BTC: variants seen among roughly 807,000 people sequenced by gnomAD.
BTC encodes probetacellulin.
BTC carries 13 observed loss-of-function variants against 18.1 expected under a neutral mutation model. The observed-to-expected ratio is 0.72, with a 90% CI of 0.47 to 1.14. The LOEUF is 1.14. BTC is among the 50% of genes most tolerant of loss of function. BTC has a pLI of 0.00. For missense variants in BTC, 247 were observed against 224.2 expected (o/e 1.10, Z -0.65); for synonymous variants, 83 against 79.4 (o/e 1.05, Z -0.24).
chr4:74,789,959 G>A (rs1480825856), intron 1 of BTC, among the ~76,000 whole-genome samples: 1 of 152,198 alleles, frequency 6.6e-6, no homozygotes, highest in African/African-American at 2.4e-5. Flanking sequence ...AATTGGCAGA[G>A]GAAGAAGAAT....
At chr4:74,781,098 A>T (rs1452755269) in intron 1 of BTC, among the ~76,000 whole-genome samples, 8 of 152,122 alleles carry the variant, frequency 5.3e-5, no homozygotes, top group African/African-American at 1.9e-4. Context: ...AATCACCTTT[A>T]CACAACTCCA....
chr4:74,786,866 A>C (rs1225123822), intron 1 of BTC, among the ~76,000 whole-genome samples: 1 of 152,222 alleles, frequency 6.6e-6, no homozygotes. Context: ...AAGAATCTCT[A>C]GCACTGCCAG....
intron 1 of BTC, among the ~76,000 whole-genome samples, chr4:74,782,836 AT>A (rs373040473): frequency 6.9e-4 from 105 of 152,138 alleles, no homozygotes; most frequent in African/African-American, 2.3e-3. Context: ...TTTGATTCTC[AT>A]TTCTCTAATG....
intron 2 of BTC, among the ~76,000 whole-genome samples, chr4:74,768,998 T>C (rs10009801): frequency 0.27 from 40,922 of 151,998 alleles, 8,126 homozygotes; most frequent in African/African-American, 0.56. Flanking sequence ...GATGAGCACC[T>C]TCTGACCACC....
chr4:74,746,086 G>A lies in BTC; in HGVS notation c.*591C>T, dbSNP rs564179402. The A allele has an allele frequency of 2.0e-5, 3 of 152,260 alleles. No individual in the cohort carries two copies. The highest frequency in any genetic ancestry group is 2.1e-4 in the South Asian group (1 of 4,824). 9.4% of individuals were successfully genotyped at this position (152,260 alleles called of 1,614,324 possible). A position where few individuals can be genotyped will look rare whatever the true frequency, so the allele number is the denominator to read the frequency against. ...TTATATTATTGAGTTAGGTTGCACC[G>A]ATTCAGACTAACAAAAATGATGGTT... On this transcript the variant is annotated 3_prime_UTR_variant, in exon 6 of 6. Coordinates refer to ENST00000395743, the MANE Select transcript of BTC (RefSeq NM_001729.4).
chr4:74,774,259 T>C (rs1725120813), intron 1 of BTC, among the ~76,000 whole-genome samples: 1 of 152,222 alleles, frequency 6.6e-6, no homozygotes, highest in Admixed American at 6.5e-5. Flanking sequence ...TAACTGGTTG[T>C]GACTAATCAG....
intron 2 of BTC, among the ~76,000 whole-genome samples, chr4:74,756,770 T>G (rs1312266963): frequency 6.6e-6 from 1 of 152,212 alleles, no homozygotes; most frequent in Non-Finnish European, 1.5e-5. Context: ...TACTGAAAAC[T>G]TCATGCTCTG....
chr4:74,757,437 C>A (rs1553956820), intron 2 of BTC, among the ~76,000 whole-genome samples: 1 of 152,072 alleles, frequency 6.6e-6, no homozygotes, highest in African/African-American at 2.4e-5. Flanking sequence ...CAGATATTTG[C>A]TTGATACATG....
At chr4:74,791,913 G>A (rs1163306311) in intron 1 of BTC, among the ~76,000 whole-genome samples, 2 of 151,676 alleles carry the variant, frequency 1.3e-5, no homozygotes, top group African/African-American at 2.4e-5. Flanking sequence ...AAGTGGTAGA[G>A]CTGGAACCAG....
At chr4:74,757,423 A>AT (rs1724629469) in intron 2 of BTC, among the ~76,000 whole-genome samples, 1 of 152,156 alleles carries the variant, frequency 6.6e-6, no homozygotes, top group African/African-American at 2.4e-5. Context: ...CTTGAACTAC[A>AT]TGCCAGATAT....
At chr4:74,770,786 C>T (rs1725016612) in intron 1 of BTC, among the ~76,000 whole-genome samples, 1 of 151,848 alleles carries the variant, frequency 6.6e-6, no homozygotes. Flanking sequence ...CAGAAAAGGT[C>T]ACTTCTGAGA....
chr4:74,753,594 A>C (rs1455780225), intron 3 of BTC, among the ~76,000 whole-genome samples: 2 of 152,202 alleles, frequency 1.3e-5, no homozygotes, highest in African/African-American at 4.8e-5. Context: ...AGAACCCACA[A>C]ACTCCCATGA....
intron 1 of BTC, among the ~76,000 whole-genome samples, chr4:74,773,531 T>C (rs1460875296): frequency 6.6e-6 from 1 of 152,080 alleles, no homozygotes; most frequent in Non-Finnish European, 1.5e-5. Flanking sequence ...GGTGCAAGAC[T>C]CAAGACACTG....
intron 1 of BTC, among the ~76,000 whole-genome samples, chr4:74,792,426 T>A (rs989204267): frequency 6.6e-6 from 1 of 152,314 alleles, no homozygotes; most frequent in South Asian, 2.1e-4. Flanking sequence ...AGGCCCCAAG[T>A]AGCTCATGCC....
chr4:74,775,893 T>C (rs1577964014), intron 1 of BTC, among the ~76,000 whole-genome samples: 1 of 152,206 alleles, frequency 6.6e-6, no homozygotes, highest in East Asian at 1.9e-4. Flanking sequence ...TCATATTTTA[T>C]GGTATCATCA....
intron 3 of BTC, among the ~76,000 whole-genome samples, chr4:74,751,285 A>T (rs1400818049): frequency 6.6e-6 from 1 of 152,052 alleles, no homozygotes; most frequent in Non-Finnish European, 1.5e-5. Context: ...TCCACTGTAA[A>T]TTCTACCCGT....
At chr4:74,756,425 T>G (rs978602057) in intron 2 of BTC, among the ~76,000 whole-genome samples, 2 of 152,206 alleles carry the variant, frequency 1.3e-5, no homozygotes, top group Non-Finnish European at 2.9e-5. Flanking sequence ...TCTTGTATAT[T>G]ATTCATTTAA....
intron 2 of BTC, among the ~76,000 whole-genome samples, chr4:74,757,332 GT>G (rs1724627465): frequency 6.6e-6 from 1 of 152,192 alleles, no homozygotes; most frequent in Non-Finnish European, 1.5e-5. Flanking sequence ...ACAGTGCAGA[GT>G]TTCAGGGGAT....
chr4:74,767,294 G>A (rs913803452), intron 2 of BTC, among the ~76,000 whole-genome samples: 7 of 151,292 alleles, frequency 4.6e-5, no homozygotes, highest in Admixed American at 2.0e-4. Context: ...CACTAATCAC[G>A]AACTATTCAA....
Sources: allele counts gnomAD v4.1 joint callset (sites outside exome capture counted in the v4.1 genomes callset), GRCh38; gene constraint gnomAD v4.1.1; transcripts MANE v1.5; gene names NCBI Gene and HGNC (gene_info 2026-07-23, HGNC 2026-07-21).